Variants in ANKS1B observed in about 807,000 individuals in gnomAD.
ANKS1B encodes ankyrin repeat and sterile alpha motif domain-containing protein 1B.
Under a neutral mutation model 148.3 loss-of-function variants are expected in ANKS1B, and 36 were observed. The observed-to-expected ratio is 0.24, with a 90% CI of 0.19 to 0.32. The LOEUF is 0.32. ANKS1B is among the 10% of genes least tolerant of loss of function. The pLI is 1.00. For missense variants in ANKS1B, 1,157 were observed against 1,542.6 expected (o/e 0.75, Z 4.19); for synonymous variants, 542 against 560.8 (o/e 0.97, Z 0.47).
Position 99,982,333 on chromosome 12 carries a change from T to TAA in ANKS1B, c.134+1769_134+1770dup, listed in dbSNP as rs35728993. Among the ~76,000 whole-genome samples the TAA allele has an allele frequency of 3.6e-3, 517 of 144,546 alleles. 1 individual carries two copies. Among genetic ancestry groups the TAA allele is most frequent in the South Asian group, 7.1e-3 (32 of 4,510 alleles). The allele number at this position is 144,546 out of a possible 152,430, so 94.8% of individuals were successfully genotyped here. A position where few individuals can be genotyped will look rare whatever the true frequency, so the allele number is the denominator to read the frequency against. On this transcript the variant is annotated intron_variant, in intron 1 of 26. Transcript: ENST00000683438. ...TCCCTAAAACTTGACATCTATTCTTTAAAAAAAAAAAAAAAAATCACAGCT... is the reference window on the plus strand; with the variant it reads ...TCCCTAAAACTTGACATCTATTCTTTAAAAAAAAAAAAAAAAAAATCACAGCT...
chr12:99,056,549 T>C (rs1473462942), intron 16 of ANKS1B, among the ~76,000 whole-genome samples: 1 of 152,186 alleles, frequency 6.6e-6, no homozygotes, highest in Non-Finnish European at 1.5e-5. Context: ...TAAGTGTACC[T>C]TTGTATAAAA....
At chr12:98,872,952 G>T (rs1369621736) in intron 17 of ANKS1B, among the ~76,000 whole-genome samples, 1 of 152,120 alleles carries the variant, frequency 6.6e-6, no homozygotes, top group African/African-American at 2.4e-5. Context: ...TCCTTGATCT[G>T]CCAGTAATAC....
intron 12 of ANKS1B, among the ~76,000 whole-genome samples, chr12:99,383,829 G>T (rs1296059933): frequency 7.0e-6 from 1 of 142,522 alleles, no homozygotes; most frequent in Admixed American, 7.1e-5. Context: ...CCTAGGCAAT[G>T]TGGTGAAACC....
intron 17 of ANKS1B, among the ~76,000 whole-genome samples, chr12:99,027,007 ACT>A (rs2099949137): frequency 1.3e-5 from 2 of 152,290 alleles, no homozygotes; most frequent in South Asian, 4.1e-4. Flanking sequence ...GTGAATGAGT[ACT>A]CTCTAATTTA....
intron 8 of ANKS1B, among the ~76,000 whole-genome samples, chr12:99,695,573 AT>A (rs1320608466): frequency 6.6e-6 from 1 of 152,188 alleles, no homozygotes; most frequent in African/African-American, 2.4e-5. Flanking sequence ...AAAGATTCAG[AT>A]TTTTTTAAAG....
At chr12:98,908,279 T>C (rs937396013) in intron 17 of ANKS1B, among the ~76,000 whole-genome samples, 1 of 152,202 alleles carries the variant, frequency 6.6e-6, no homozygotes, top group African/African-American at 2.4e-5. Context: ...TAGTTGACAT[T>C]TATTGTAATA....
At chr12:99,561,032 G>A (rs1045251346) in intron 9 of ANKS1B, among the ~76,000 whole-genome samples, 1 of 151,756 alleles carries the variant, frequency 6.6e-6, no homozygotes, top group African/African-American at 2.4e-5. Flanking sequence ...ATTTTTAGTA[G>A]AGACGGGTTT....
chr12:99,802,049 A>T (rs1402851368), intron 4 of ANKS1B, among the ~76,000 whole-genome samples: 3 of 152,192 alleles, frequency 2.0e-5, no homozygotes, highest in Non-Finnish European at 4.4e-5. Flanking sequence ...GAGTAAATGG[A>T]TTATAATGGA....
At chr12:99,467,288 C>T (rs535187343) in intron 10 of ANKS1B, among the ~76,000 whole-genome samples, 19 of 152,178 alleles carry the variant, frequency 1.2e-4, no homozygotes, top group Middle Eastern at 3.4e-3. Context: ...TGGGTTGTAT[C>T]GCAAAATAAT....
chr12:99,044,794 A>T (rs1192084151), intron 17 of ANKS1B, among the ~76,000 whole-genome samples: 3 of 152,162 alleles, frequency 2.0e-5, no homozygotes, highest in Non-Finnish European at 4.4e-5. Context: ...CTCTTATTTG[A>T]TTTTGAGTCT....
intron 1 of ANKS1B, among the ~76,000 whole-genome samples, chr12:99,873,502 C>CGG (rs2091757029): frequency 6.6e-6 from 1 of 152,168 alleles, no homozygotes; most frequent in Non-Finnish European, 1.5e-5. Context: ...GACTCATTCC[C>CGG]TACCCTCAGC....
At chr12:99,493,102 C>T (rs2096570263) in intron 10 of ANKS1B, among the ~76,000 whole-genome samples, 1 of 152,166 alleles carries the variant, frequency 6.6e-6, no homozygotes, top group Non-Finnish European at 1.5e-5. Flanking sequence ...CACACTATCC[C>T]TGTTTGCAGA....
intron 22 of ANKS1B, among the ~76,000 whole-genome samples, chr12:98,797,112 A>G (rs948829890): frequency 3.9e-5 from 6 of 152,234 alleles, no homozygotes; most frequent in Non-Finnish European, 7.3e-5. Flanking sequence ...TGATGAATGA[A>G]AACTTTCCCT....
chr12:99,110,085 G>C (rs1167966091), intron 15 of ANKS1B, among the ~76,000 whole-genome samples: 1 of 152,200 alleles, frequency 6.6e-6, no homozygotes, highest in Non-Finnish European at 1.5e-5. Context: ...TGGGCCCAGA[G>C]TAGATGCCCA....
chr12:99,807,088 C>T (rs1433810942), intron 3 of ANKS1B, among the ~76,000 whole-genome samples: 1 of 152,176 alleles, frequency 6.6e-6, no homozygotes, highest in Admixed American at 6.5e-5. Context: ...TTTTAATAGA[C>T]TGGCTTTCCA....
At chr12:99,854,999 A>G (rs565340250) in intron 1 of ANKS1B, among the ~76,000 whole-genome samples, 1 of 152,134 alleles carries the variant, frequency 6.6e-6, no homozygotes, top group Non-Finnish European at 1.5e-5. Context: ...TGAAAAAAAA[A>G]CCCAGGTATT....
At chr12:99,976,134 G>T (rs540545093) in intron 1 of ANKS1B, among the ~76,000 whole-genome samples, 1 of 152,204 alleles carries the variant, frequency 6.6e-6, no homozygotes, top group East Asian at 1.9e-4. Flanking sequence ...CTTATAAGTG[G>T]GAGCTAAATA....
At chr12:98,939,089 G>T (rs540050518) in intron 17 of ANKS1B, among the ~76,000 whole-genome samples, 2 of 152,234 alleles carry the variant, frequency 1.3e-5, no homozygotes, top group South Asian at 4.2e-4. Flanking sequence ...AATTAGACTC[G>T]AACTGCATCT....
chr12:99,304,025 T>A (rs1002335082), intron 12 of ANKS1B, among the ~76,000 whole-genome samples: 2 of 152,172 alleles, frequency 1.3e-5, no homozygotes, highest in African/African-American at 4.8e-5. Flanking sequence ...TGATGGGTAT[T>A]TAGGTTGGTT....
Sources: gnomAD v4.1 joint callset for allele counts (sites outside exome capture counted in the v4.1 genomes callset) on GRCh38, gnomAD v4.1.1 for gene constraint, MANE v1.5 for transcripts, NCBI Gene and HGNC (gene_info 2026-07-23, HGNC 2026-07-21) for gene names.